The following CDH4 variants were observed in gnomAD, a reference collection of about 807,000 sequenced individuals.
CDH4 encodes cadherin 4.
CDH4 carries 33 observed loss-of-function variants against 86.0 expected under a neutral mutation model. That is an observed-to-expected ratio of 0.38 (90% CI 0.29 to 0.51). CDH4 has a LOEUF of 0.51. Among genes scored for constraint, CDH4 ranks in the 20% least tolerant of loss-of-function variants. The pLI is 0.86. For synonymous variants in CDH4, 555 were observed against 549.4 expected (o/e 1.01, Z -0.14); for missense variants, 1,114 against 1,307.4 (o/e 0.85, Z 2.28).
intron 2 of CDH4, among the ~76,000 whole-genome samples, chr20:61,536,557 C>T (rs1365865055): frequency 6.6e-6 from 1 of 152,170 alleles, no homozygotes; most frequent in Non-Finnish European, 1.5e-5. Flanking sequence ...CGATGCTCCC[C>T]AGGCACCCCC....
At chr20:61,607,215 T>C (rs933662924) in intron 2 of CDH4, among the ~76,000 whole-genome samples, 4 of 152,184 alleles carry the variant, frequency 2.6e-5, no homozygotes. Context: ...TGCGCACATA[T>C]AAAGGTGGAT....
intron 7 of CDH4, among the ~76,000 whole-genome samples, chr20:61,894,440 C>T (rs970529815): frequency 5.9e-5 from 9 of 152,206 alleles, no homozygotes; most frequent in Admixed American, 2.0e-4. Context: ...GTCTTTTCTT[C>T]CCATTTGAAT....
chr20:61,342,139 G>A (rs1200330834), intron 2 of CDH4, among the ~76,000 whole-genome samples: 1 of 152,146 alleles, frequency 6.6e-6, no homozygotes, highest in Non-Finnish European at 1.5e-5. Flanking sequence ...GAAAAGATGA[G>A]GCTGTATGAC....
At chr20:61,887,964 A>T (rs1984622272) in intron 7 of CDH4, among the ~76,000 whole-genome samples, 1 of 152,214 alleles carries the variant, frequency 6.6e-6, no homozygotes, top group African/African-American at 2.4e-5. Flanking sequence ...CACGCCCAGG[A>T]AAGAGGCTGC....
At chr20:61,296,175 A>G (rs1212156273) in intron 2 of CDH4, among the ~76,000 whole-genome samples, 3 of 151,474 alleles carry the variant, frequency 2.0e-5, no homozygotes, top group Non-Finnish European at 2.9e-5. Flanking sequence ...TGTCGAAATA[A>G]GTATGAGTGT....
Position 61,914,232 on chromosome 20 carries a change from C to T in CDH4, c.1374+3625C>T, listed in dbSNP as rs533829156. On this transcript the variant is annotated intron_variant, in intron 9 of 15. Coordinates refer to ENST00000614565, the MANE Select transcript of CDH4 (RefSeq NM_001794.5). ...GGGACTGAGTCTCACGGTGCTGCCTCCCTTCTGTGGCCACACAGGTAGCTG... is the reference window on the plus strand; with the variant it reads ...GGGACTGAGTCTCACGGTGCTGCCTTCCTTCTGTGGCCACACAGGTAGCTG... 1.8e-3 allele frequency among the ~76,000 whole-genome samples: 281 copies of T among 152,302 alleles called. 1 individual carries two copies. Among genetic ancestry groups the T allele is most frequent in the Non-Finnish European group, 3.2e-3 (217 of 68,028 alleles).
chr20:61,331,068 C>T (rs970708617), intron 2 of CDH4, among the ~76,000 whole-genome samples: 2 of 152,094 alleles, frequency 1.3e-5, no homozygotes, highest in East Asian at 3.9e-4. Context: ...AACACCTGTG[C>T]GAGGGTGCAT....
In CDH4 at chr20:61,501,186, G is replaced by A. The variant is rs2085698345; in HGVS notation, c.170-242377G>A. 6.6e-6 allele frequency among the ~76,000 whole-genome samples: 1 copy of A among 152,212 alleles called. No individual in the cohort carries two copies. The highest frequency in any genetic ancestry group is 1.5e-5 in the Non-Finnish European group (1 of 68,044). ...TGAGCTACAATAGACTCAGGCTGGG[G>A]GAGGTGGCGCTGCCATCCGCCATCT... On this transcript the variant is annotated intron_variant, in intron 2 of 15. Coordinates refer to ENST00000614565, the MANE Select transcript of CDH4 (RefSeq NM_001794.5). The surrounding 1 kb of genome is among the most constrained non-coding windows in gnomAD (Gnocchi z 4.2).
chr20:61,619,920 C>G (rs1269464086), intron 2 of CDH4, among the ~76,000 whole-genome samples: 1 of 152,194 alleles, frequency 6.6e-6, no homozygotes, highest in African/African-American at 2.4e-5. Context: ...CAGGCACATC[C>G]GAGCCAAGCA....
rs77900409 is a variant in CDH4 at position 61,608,431 on chromosome 20, A to G, written c.170-135132A>G. 6.0e-3 allele frequency among the ~76,000 whole-genome samples: 916 copies of G among 152,322 alleles called. 3 individuals carry two copies. The highest frequency in any genetic ancestry group is 0.024 in the Middle Eastern group (7 of 294). On this transcript the variant is annotated intron_variant, in intron 2 of 15. Coordinates refer to ENST00000614565, the MANE Select transcript of CDH4 (RefSeq NM_001794.5). ...GTCCAAGTGGAACTGCTACGACCCC[A>G]GCACGTGTCCAGCAGCACCTGGCCC...
At chr20:61,816,513 C>T (rs1980719139) in intron 4 of CDH4, among the ~76,000 whole-genome samples, 1 of 152,174 alleles carries the variant, frequency 6.6e-6, no homozygotes, top group Admixed American at 6.5e-5. Context: ...TAGCTACTAT[C>T]ACAGATAGAA....
At chr20:61,741,356 G>A (rs1320806243) in intron 2 of CDH4, among the ~76,000 whole-genome samples, 1 of 152,186 alleles carries the variant, frequency 6.6e-6, no homozygotes, top group Admixed American at 6.5e-5. Context: ...GGCAGGGAAC[G>A]CCTTTCACCT....
At chr20:61,625,717 TGTC>T (rs2086824607) in intron 2 of CDH4, among the ~76,000 whole-genome samples, 1 of 152,200 alleles carries the variant, frequency 6.6e-6, no homozygotes, top group African/African-American at 2.4e-5. Context: ...ACAAAATTAA[TGTC>T]GTAACAGACC....
At chr20:61,587,239 C>T (rs1029638182) in intron 2 of CDH4, among the ~76,000 whole-genome samples, 5 of 152,060 alleles carry the variant, frequency 3.3e-5, no homozygotes, top group African/African-American at 9.7e-5. Flanking sequence ...GAAGGCTGAG[C>T]GCTTGAAGGG....
intron 2 of CDH4, among the ~76,000 whole-genome samples, chr20:61,290,564 G>A (rs2123182328): frequency 6.6e-6 from 1 of 152,362 alleles, no homozygotes; most frequent in East Asian, 1.9e-4. Context: ...TTGATGGCAT[G>A]GCAGACAGCG....
At chr20:61,906,630 T>A (rs1868372920) in intron 8 of CDH4, among the ~76,000 whole-genome samples, 1 of 152,092 alleles carries the variant, frequency 6.6e-6, no homozygotes, top group South Asian at 2.1e-4. Flanking sequence ...GAGCCAGGTG[T>A]CAGAGCCCAG....
At chr20:61,402,011 ATGT>A (rs1305672712) in intron 2 of CDH4, among the ~76,000 whole-genome samples, 1 of 152,224 alleles carries the variant, frequency 6.6e-6, no homozygotes, top group Non-Finnish European at 1.5e-5. Flanking sequence ...GGTTGCTCAG[ATGT>A]TGTTTGTGGA....
intron 2 of CDH4, among the ~76,000 whole-genome samples, chr20:61,584,544 G>A (rs1342231409): frequency 6.6e-6 from 1 of 152,190 alleles, no homozygotes; most frequent in Non-Finnish European, 1.5e-5. Context: ...CACATCCGCT[G>A]CTGTCTCCAG....
chr20:61,659,569 G>A (rs970700438), intron 2 of CDH4, among the ~76,000 whole-genome samples: 13 of 150,012 alleles, frequency 8.7e-5, no homozygotes, highest in African/African-American at 2.8e-4. Context: ...AGGCTTGGAG[G>A]CAGGAGGAGG....
Sources: allele counts gnomAD v4.1 joint callset (sites outside exome capture counted in the v4.1 genomes callset), GRCh38; gene constraint gnomAD v4.1.1; non-coding constraint Gnocchi (gnomAD v3.1); transcripts MANE v1.5; gene names NCBI Gene and HGNC (gene_info 2026-07-23, HGNC 2026-07-21).